The following SHLD1 variants were observed in gnomAD, a reference collection of about 807,000 sequenced individuals.
SHLD1 encodes the protein RINN1-REV7-interacting novel NHEJ regulator 3.
SHLD1 carries 3 observed loss-of-function variants against 5.5 expected under a neutral mutation model. The observed-to-expected ratio is 0.54, with a 90% CI of 0.25 to 1.40. The LOEUF (loss-of-function observed/expected upper bound fraction) is 1.40, where lower values mean the gene tolerates loss of function less well. Among genes scored for constraint, SHLD1 ranks in the 40% most tolerant of loss-of-function variants. The pLI is 0.15. For missense variants in SHLD1, 210 were observed against 244.4 expected (o/e 0.86, Z 0.94); for synonymous variants, 92 against 94.3 (o/e 0.98, Z 0.14).
intron 2 of SHLD1, among the ~76,000 whole-genome samples, chr20:5,776,693 G>A (rs747130526): frequency 3.3e-5 from 5 of 152,078 alleles, no homozygotes; most frequent in African/African-American, 9.7e-5. Context: ...AACCCAGGAG[G>A]TGGAGGTTGT....
At chr20:5,817,468 G>GTGTGTGTA (rs1555775139) in intron 2 of SHLD1, among the ~76,000 whole-genome samples, 10 of 129,966 alleles carry the variant, frequency 7.7e-5, no homozygotes, top group Non-Finnish European at 1.4e-4. Flanking sequence ...GTGTGTGTGT[G>GTGTGTGTA]TGTGTTGGGA....
chr20:5,815,470 C>T (rs1475757027), intron 2 of SHLD1, among the ~76,000 whole-genome samples: 2 of 152,172 alleles, frequency 1.3e-5, no homozygotes, highest in Non-Finnish European at 2.9e-5. Context: ...GACCATAGAG[C>T]AGGAGTCAGC....
At chr20:5,800,863 GTC>G (rs2087283662) in intron 2 of SHLD1, among the ~76,000 whole-genome samples, 1 of 149,858 alleles carries the variant, frequency 6.7e-6, no homozygotes, top group Non-Finnish European at 1.5e-5. Context: ...GTGTGCGTAT[GTC>G]TATATCTCCT....
chr20:5,754,197 A>C (rs976020967), intron 1 of SHLD1, among the ~76,000 whole-genome samples: 3 of 151,946 alleles, frequency 2.0e-5, no homozygotes, highest in Non-Finnish European at 2.9e-5. Flanking sequence ...TGCAGCCTCA[A>C]CCTCCTGGGC....
At chr20:5,831,727 ATCTCTCTCTCTC>A (rs368300547) in intron 2 of SHLD1, among the ~76,000 whole-genome samples, 1 of 149,800 alleles carries the variant, frequency 6.7e-6, no homozygotes, top group African/African-American at 2.4e-5. Context: ...AATCCCTTTG[ATCTCTCTCTCTC>A]TCTCTCTCTC....
chr20:5,857,235 C>CA (rs1168763622), intron 2 of SHLD1, among the ~76,000 whole-genome samples: 2 of 152,188 alleles, frequency 1.3e-5, no homozygotes, highest in African/African-American at 4.8e-5. Flanking sequence ...CTTGGCCTCC[C>CA]AAGGTGCTGA....
rs770299921 is a variant in SHLD1, at chr20:5,785,533, C to T, written c.178+12490C>T. Among the ~76,000 whole-genome samples, 45 of 152,264 alleles carry T rather than the reference C, an allele frequency of 3.0e-4. 1 individual carries two copies. Among genetic ancestry groups the T allele is most frequent in the African/African-American group, 8.7e-4 (36 of 41,548 alleles). On this transcript the variant is annotated intron_variant, in intron 2 of 2. Coordinates refer to ENST00000303142, the MANE Select transcript of SHLD1 (RefSeq NM_152504.4). ...GCTTTAGGCCAGGCACGATGTCTCA[C>T]GCCTGTAATCCCAGCACTTTGGGAG...
chr20:5,794,241 A>G (rs981084937), intron 2 of SHLD1, among the ~76,000 whole-genome samples: 1 of 152,148 alleles, frequency 6.6e-6, no homozygotes, highest in East Asian at 1.9e-4. Context: ...ATAGGTTGTC[A>G]TGAGGATTGA....
chr20:5,805,892 C>T lies in SHLD1; in HGVS notation c.178+32849C>T, dbSNP rs138890940. On this transcript the variant is annotated intron_variant, in intron 2 of 2. Coordinates refer to ENST00000303142, the MANE Select transcript of SHLD1 (RefSeq NM_152504.4). ...CTGGGATCATAGACATGAGCCACTG[C>T]GCCTGGCCTAAATTTGTGTTTAATA... 2.7e-3 allele frequency among the ~76,000 whole-genome samples: 418 copies of T among 152,298 alleles called. 2 individuals carry two copies. Among genetic ancestry groups the T allele is most frequent in the African/African-American group, 9.0e-3 (374 of 41,554 alleles).
At chr20:5,770,187 A>G (rs368687844) in intron 1 of SHLD1, among the ~76,000 whole-genome samples, 4 of 152,192 alleles carry the variant, frequency 2.6e-5, no homozygotes, top group Admixed American at 6.5e-5. Flanking sequence ...GGGATCCTTG[A>G]TAGTGTTTTT....
chr20:5,798,305 T>C (rs547458095), intron 2 of SHLD1, among the ~76,000 whole-genome samples: 1,554 of 58,566 alleles, frequency 0.027, 23 homozygotes, highest in South Asian at 0.12. Context: ...AAACTCTCAG[T>C]TCTCTTTTTT....
chr20:5,817,428 CTCTCTGTGTGTGTG>C (rs1442985631), intron 2 of SHLD1, among the ~76,000 whole-genome samples: 3 of 111,994 alleles, frequency 2.7e-5, no homozygotes, highest in South Asian at 2.7e-4. Flanking sequence ...CTCTCTCTCT[CTCTCTGTGTGTGTG>C]TGTGTGTGTG....
At chr20:5,816,433 G>A (rs2087531556) in intron 2 of SHLD1, among the ~76,000 whole-genome samples, 1 of 152,220 alleles carries the variant, frequency 6.6e-6, no homozygotes, top group Non-Finnish European at 1.5e-5. Flanking sequence ...CTGAAATGCT[G>A]AATGAATAAA....
At chr20:5,849,852 G>A (rs906063906) in intron 2 of SHLD1, among the ~76,000 whole-genome samples, 31 of 150,276 alleles carry the variant, frequency 2.1e-4, no homozygotes, top group African/African-American at 6.6e-4. Context: ...CCAGCTACTC[G>A]GGAGGCTGAG....
At chr20:5,811,725 G>A (rs1208502511) in intron 2 of SHLD1, among the ~76,000 whole-genome samples, 1 of 151,994 alleles carries the variant, frequency 6.6e-6, no homozygotes, top group Non-Finnish European at 1.5e-5. Context: ...GTGTGGTGGT[G>A]CACACCTTTG....
intron 2 of SHLD1, among the ~76,000 whole-genome samples, chr20:5,791,479 G>A (rs1439198187): frequency 2.0e-5 from 3 of 147,364 alleles, no homozygotes; most frequent in Non-Finnish European, 3.0e-5. Context: ...TGGGAGGATC[G>A]CTATTGTCCT....
At chr20:5,824,524 T>C (rs2122421108) in intron 2 of SHLD1, among the ~76,000 whole-genome samples, 1 of 152,312 alleles carries the variant, frequency 6.6e-6, no homozygotes, top group African/African-American at 2.4e-5. Flanking sequence ...AGAATAAGCC[T>C]GGCATACAGT....
At chr20:5,801,798 G>A (rs766823631) in intron 2 of SHLD1, among the ~76,000 whole-genome samples, 11 of 152,038 alleles carry the variant, frequency 7.2e-5, no homozygotes, top group African/African-American at 1.4e-4. Flanking sequence ...CCCGCCCCCC[G>A]TATCCCATAG....
chr20:5,831,182 A>C (rs926647141), intron 2 of SHLD1, among the ~76,000 whole-genome samples: 7 of 152,230 alleles, frequency 4.6e-5, no homozygotes, highest in Non-Finnish European at 8.8e-5. Context: ...AGGTCACACA[A>C]GTATTTAATT....
Sources: gnomAD v4.1 joint callset for allele counts (sites outside exome capture counted in the v4.1 genomes callset) on GRCh38, gnomAD v4.1.1 for gene constraint, MANE v1.5 for transcripts, NCBI Gene and HGNC (gene_info 2026-07-23, HGNC 2026-07-21) for gene names.